GSDMB: variants seen among roughly 807,000 people sequenced by gnomAD.
GSDMB encodes the protein gasdermin-B.
A neutral mutation model predicts 42.9 loss-of-function variants in GSDMB; 32 were observed. That is an observed-to-expected ratio of 0.75 (90% CI 0.56 to 1.00). The LOEUF is 1.00. Among genes scored for constraint, GSDMB ranks in the 50% least tolerant of loss-of-function variants. GSDMB has a pLI of 0.00. For synonymous variants in GSDMB, 175 were observed against 193.7 expected, an observed-to-expected ratio of 0.90 and a Z score of 0.80; for missense variants, 468 against 498.5, an observed-to-expected ratio of 0.94 and a Z score of 0.58.
intron 3 of GSDMB, 49 bp from the exon 4 acceptor site, chr17:39,909,973 T>A: frequency 7.2e-7 from 1 of 1,394,518 alleles, no homozygotes; most frequent in Non-Finnish European, 1.0e-6. Flanking sequence ...GGGCCTTACC[T>A]CCCACTGACT....
chr17:39,913,239 T>C (rs1304132144), intron 2 of GSDMB, among the ~76,000 whole-genome samples: 1 of 152,194 alleles, frequency 6.6e-6, no homozygotes, highest in East Asian at 1.9e-4. Context: ...TGCTTAATAA[T>C]TGTAAGCCAG....
chr17:39,910,797 T>C (rs530401704), intron 3 of GSDMB, among the ~76,000 whole-genome samples: 2 of 152,324 alleles, frequency 1.3e-5, no homozygotes, highest in South Asian at 4.1e-4. Flanking sequence ...CATGGGTCCC[T>C]GCCTCCGATG....
At chr17:39,911,512 T>C (rs1286411504) in intron 3 of GSDMB, among the ~76,000 whole-genome samples, 1 of 152,102 alleles carries the variant, frequency 6.6e-6, no homozygotes, top group East Asian at 1.9e-4. Flanking sequence ...TGGAAGCACC[T>C]GCCCACCAGC....
chr17:39,909,611 C>T (rs2063569301), intron 4 of GSDMB, 145 bp downstream of exon 4: 2 of 677,464 alleles, frequency 3.0e-6, no homozygotes, highest in South Asian at 1.8e-5. Flanking sequence ...GGCAATGCCA[C>T]CCACCCTTTC....
intron 2 of GSDMB, among the ~76,000 whole-genome samples, chr17:39,914,761 CAAAA>C (rs71152627): frequency 1.1e-5 from 1 of 91,018 alleles, no homozygotes; most frequent in African/African-American, 4.4e-5. Flanking sequence ...CACTCCATCT[CAAAA>C]AAAAAAAAAA....
rs1164315955 is a variant in GSDMB at position 39,917,169 on chromosome 17, G to A, written c.148C>T (p.Arg50Trp). ...VGEKRTFFGCRHYTTGLTLMD... is the reference protein window; with the variant it reads ...VGEKRTFFGCWHYTTGLTLMD... ...AGGGTGAGGCCTGTTGTGTAGTGCC[G>A]GCATCCAAAGAAAGTTCTCTTCTCC... Residue 50 changes from arginine (R) to tryptophan (W), a missense_variant, in exon 2 of 11, where the codon CGG (arginine) becomes TGG (tryptophan). Transcript: ENST00000418519. 1.7e-5 allele frequency: 28 copies of A among 1,613,802 alleles called. No homozygotes were observed. The highest frequency in any genetic ancestry group is 1.1e-4 in the East Asian group (5 of 44,896).
intron 3 of GSDMB, among the ~76,000 whole-genome samples, chr17:39,910,665 C>T (rs2063590791): frequency 6.6e-6 from 1 of 152,018 alleles, no homozygotes; most frequent in African/African-American, 2.4e-5. Flanking sequence ...TCCCTGGAGC[C>T]AGCTGCATCA....
intron 2 of GSDMB, among the ~76,000 whole-genome samples, chr17:39,916,232 T>C (rs982515378): frequency 4.6e-5 from 7 of 152,090 alleles, no homozygotes; most frequent in African/African-American, 1.7e-4. Flanking sequence ...GGTGCTCCTT[T>C]TGTGGCAGGC....
Position 39,904,869 on chromosome 17 carries a change from A to G in GSDMB, c.1194T>C (p.Tyr398=). The change falls in exon 11 of 11, where the codon TAT becomes TAC. Residue 398 remains tyrosine (Y), a synonymous_variant. Transcript: ENST00000418519. ...DPEARILCAL[Y]VVVSILLELA... is the part of the protein sequence containing the mutation. ...GCTCCAGCAGGATAGAGACAACAAC[A>G]TACAGCGCACAGAGAATTCGTGCCT... 6.2e-7 allele frequency: 1 copy of G among 1,613,924 alleles called. No homozygotes were observed.
intron 6 of GSDMB, 141 bp from the exon 7 acceptor site, chr17:39,907,128 C>T (rs883770): frequency 0.47 from 701,429 of 1,496,072 alleles, 170,168 homozygotes; most frequent in Non-Finnish European, 0.5. Context: ...TCCTCACCAG[C>T]GTGTGTCAAT....
chr17:39,905,630 A>G, intron 9 of GSDMB, 134 bp from the exon 10 acceptor site: 1 of 902,160 alleles, frequency 1.1e-6, no homozygotes, highest in Non-Finnish European at 1.8e-6. Context: ...GACTTACTCC[A>G]AACAGGCCTC....
At chr17:39,909,372 A>C in intron 4 of GSDMB, 1 of 382,974 alleles carries the variant, frequency 2.6e-6, no homozygotes, top group Non-Finnish European at 4.7e-6. Context: ...GCAAAAATAC[A>C]CCTGTGTAAT....
At chr17:39,909,110 A>C in intron 4 of GSDMB, 68 bp from the exon 5 acceptor site, 4 of 908,362 alleles carry the variant, frequency 4.4e-6, no homozygotes, top group Non-Finnish European at 6.9e-6. Context: ...CTGATCTCCC[A>C]AACAATCCTG....
At chr17:39,912,275 C>G in intron 3 of GSDMB, 51 bp downstream of exon 3, 1 of 1,385,564 alleles carries the variant, frequency 7.2e-7, no homozygotes, top group Middle Eastern at 2.3e-4. Context: ...TCCCTTGGTG[C>G]CCAAGATGGG....
chr17:39,908,036 TCCCCTGCGC>T, intron 6 of GSDMB, 131 bp downstream of exon 6: 1 of 651,538 alleles, frequency 1.5e-6, no homozygotes, highest in Non-Finnish European at 2.8e-6. Flanking sequence ...GGCTAATTTT[TCCCCTGCGC>T]TTGCCATGGT....
chr17:39,914,458 AG>A (rs1402943572), intron 2 of GSDMB, among the ~76,000 whole-genome samples: 3 of 152,196 alleles, frequency 2.0e-5, no homozygotes, highest in Admixed American at 6.5e-5. Flanking sequence ...AAAGGACACT[AG>A]GTCAAAACTA....
chr17:39,911,577 G>A (rs1482963479), intron 3 of GSDMB, among the ~76,000 whole-genome samples: 3 of 152,150 alleles, frequency 2.0e-5, no homozygotes, highest in Non-Finnish European at 4.4e-5. Flanking sequence ...TGGGGTGGCT[G>A]TACTCCATGC....
At chr17:39,916,600 T>C (rs1021645843) in intron 2 of GSDMB, among the ~76,000 whole-genome samples, 1 of 151,976 alleles carries the variant, frequency 6.6e-6, no homozygotes, top group African/African-American at 2.4e-5. Flanking sequence ...CTCACTTGAT[T>C]CTTACAACAG....
chr17:39,912,622 G>A (rs953589921), intron 2 of GSDMB, 125 bp from the exon 3 acceptor site: 33 of 722,070 alleles, frequency 4.6e-5, no homozygotes, highest in Middle Eastern at 2.4e-4. Flanking sequence ...CTGAGGGAGC[G>A]CCACAGCTGT....
Sources: allele counts gnomAD v4.1 joint callset (sites outside exome capture counted in the v4.1 genomes callset), GRCh38; gene constraint gnomAD v4.1.1; transcripts MANE v1.5; gene names NCBI Gene and HGNC (gene_info 2026-07-23, HGNC 2026-07-21).